Variants in C10orf143 observed in about 807,000 individuals in gnomAD.
The protein encoded by C10orf143 is chromosome 10 open reading frame 143.
At chr10:130,087,697 A>G (rs886517642) in intron 1 of C10orf143, among the ~76,000 whole-genome samples, 3 of 152,194 alleles carry the variant, frequency 2.0e-5, no homozygotes, top group Non-Finnish European at 4.4e-5. Context: ...ACAGTTTGCC[A>G]GAGATGAGAT....
intron 1 of C10orf143, among the ~76,000 whole-genome samples, chr10:130,098,322 C>T (rs931495385): frequency 5.3e-5 from 8 of 151,400 alleles, no homozygotes; most frequent in African/African-American, 1.9e-4. Context: ...AGCTCTGTCT[C>T]AAAAAACAAA....
At chr10:130,081,990 G>A (rs77486951) in intron 1 of C10orf143, among the ~76,000 whole-genome samples, 5,178 of 150,936 alleles carry the variant, frequency 0.034, 233 homozygotes, top group East Asian at 0.11. Context: ...AACCCTGAAG[G>A]AAAAAATAAA....
At chr10:130,106,898 G>C (rs1011663236) in intron 1 of C10orf143, 1 of 1,041,276 alleles carries the variant, frequency 9.6e-7, no homozygotes, top group Non-Finnish European at 1.5e-6. Flanking sequence ...TAGAGAAGAC[G>C]TAACGGATGA....
rs773195611 is a variant in C10orf143 at position 130,106,467 on chromosome 10, T to C, written c.69+4237A>G. 2.5e-6 allele frequency: 4 copies of C among 1,602,620 alleles called. No individual in the cohort carries two copies. In the South Asian group the frequency reaches 3.3e-5, roughly 13 times the overall value. ...AAGTTGAACAGGTCCAATTCTGAAC[T>C]TGAGCATGAAATTCTCTGTCTAGAA... is the stretch of plus-strand genomic sequence containing the variant. On this transcript the variant is annotated intron_variant, in intron 1 of 3. Coordinates refer to ENST00000637128, the MANE Select transcript of C10orf143 (RefSeq NM_001355042.2).
downstream of C10orf143, among the ~76,000 whole-genome samples, chr10:130,060,908 T>TGCGCA (rs1860850569): frequency 6.8e-6 from 1 of 146,318 alleles, no homozygotes; most frequent in Non-Finnish European, 1.5e-5. Context: ...GAGGCCAAGG[T>TGCGCA]GAGCAGATGG....
chr10:130,105,962 G>GGGTTCC, intron 1 of C10orf143: 1 of 390,726 alleles, frequency 2.6e-6, no homozygotes, highest in South Asian at 2.0e-5. Flanking sequence ...GTGCGGATTC[G>GGGTTCC]GGTTCCGGAC....
At chr10:130,089,326 A>G (rs1272006069) in intron 1 of C10orf143, among the ~76,000 whole-genome samples, 1 of 152,274 alleles carries the variant, frequency 6.6e-6, no homozygotes, top group Non-Finnish European at 1.5e-5. Flanking sequence ...TTTACTTGCA[A>G]CAGGCAGAGC....
intron 3 of C10orf143, among the ~76,000 whole-genome samples, chr10:130,069,255 A>G (rs1309938210): frequency 6.6e-6 from 1 of 152,242 alleles, no homozygotes; most frequent in African/African-American, 2.4e-5. Context: ...AAGTGCCAGA[A>G]GAAAGACTGT....
chr10:130,078,203 A>G (rs1428556443), intron 3 of C10orf143, among the ~76,000 whole-genome samples: 1 of 150,948 alleles, frequency 6.6e-6, no homozygotes, highest in Non-Finnish European at 1.5e-5. Flanking sequence ...CTTGAACTAA[A>G]TTTTTTTTTT....
In C10orf143 at chr10:130,090,136, A is replaced by T. The variant is rs192123946; in HGVS notation, c.70-10235T>A. Among the ~76,000 whole-genome samples the T allele has an allele frequency of 3.3e-3, 499 of 152,336 alleles. 6 individuals carry two copies. Among genetic ancestry groups the T allele is most frequent in the African/African-American group, 0.011 (473 of 41,580 alleles). On this transcript the variant is annotated intron_variant, in intron 1 of 3. Transcript: ENST00000637128. ...GTGGAAGCTGGCAAGATGGCCAAAT[A>T]GGAACAGCTCCAGTCTGCAGCTCCC...
chr10:130,089,462 T>C (rs939584239), intron 1 of C10orf143, among the ~76,000 whole-genome samples: 5 of 151,964 alleles, frequency 3.3e-5, no homozygotes, highest in Non-Finnish European at 7.4e-5. Context: ...ATTTTATAGA[T>C]GAGGAAAAAG....
Position 130,042,270 on chromosome 10 carries a change from C to A in C10orf143, c.298-6300G>T, listed in dbSNP as rs572930440. ...GTACATGGAACGATCATTCTGCAAACGTTAACCACTTTCACGCCGTTTGTT... is the reference window on the plus strand; with the variant it reads ...GTACATGGAACGATCATTCTGCAAAAGTTAACCACTTTCACGCCGTTTGTT... On this transcript the variant is annotated intron_variant and NMD_transcript_variant, in intron 3 of 5. Transcript: ENST00000643056. Among the ~76,000 whole-genome samples, 11 of 152,328 alleles carry A rather than the reference C, an allele frequency of 7.2e-5. No individual in the cohort carries two copies. The East Asian group carries it at 1.7e-3, about 24-fold the overall frequency.
intron 1 of C10orf143, among the ~76,000 whole-genome samples, chr10:130,086,226 C>T (rs1051451641): frequency 1.3e-5 from 2 of 152,174 alleles, no homozygotes; most frequent in African/African-American, 4.8e-5. Context: ...TCCATGCGAG[C>T]TCACCTCCCC....
intron 3 of C10orf143, chr10:130,068,715 A>G (rs969668853): frequency 1.5e-5 from 2 of 131,308 alleles, no homozygotes; most frequent in Non-Finnish European, 3.4e-5. Context: ...TTTTATACAT[A>G]TAAACTAAAC....
At chr10:130,039,551 G>T (rs932977862) in intron 3 of C10orf143, among the ~76,000 whole-genome samples, 1 of 152,182 alleles carries the variant, frequency 6.6e-6, no homozygotes, top group African/African-American at 2.4e-5. Flanking sequence ...TCTCATGAGT[G>T]TTTCATGCAG....
intron 1 of C10orf143, among the ~76,000 whole-genome samples, chr10:130,099,254 A>G (rs1861509685): frequency 6.6e-6 from 1 of 152,202 alleles, no homozygotes; most frequent in Non-Finnish European, 1.5e-5. Context: ...AGTATAATAT[A>G]GCTCAACAGA....
chr10:130,106,377 C>G (rs777158452), intron 1 of C10orf143: 2 of 1,602,338 alleles, frequency 1.2e-6, no homozygotes, highest in Non-Finnish European at 1.7e-6. Context: ...GTAGCGTCAT[C>G]GTTAGAGGAT....
intron 3 of C10orf143, among the ~76,000 whole-genome samples, chr10:130,041,441 A>G (rs143958806): frequency 6.6e-6 from 1 of 152,178 alleles, no homozygotes; most frequent in East Asian, 1.9e-4. Context: ...TTCCACAATG[A>G]TTGAAACTCT....
At chr10:130,055,952 TAA>T (rs369284797) in intron 3 of C10orf143, among the ~76,000 whole-genome samples, 10,543 of 65,696 alleles carry the variant, frequency 0.16, 213 homozygotes, top group South Asian at 0.22. Context: ...TCTCCAAAAG[TAA>T]AAAAAAAAAA....
Sources: gnomAD v4.1 joint callset for allele counts (sites outside exome capture counted in the v4.1 genomes callset) on GRCh38, gnomAD v4.1.1 for gene constraint, MANE v1.5 for transcripts, NCBI Gene and HGNC (gene_info 2026-07-23, HGNC 2026-07-21) for gene names.